Variants in MAGI1 observed in about 807,000 individuals in gnomAD.
MAGI1 encodes membrane-associated guanylate kinase, WW and PDZ domain-containing protein 1.
MAGI1 carries 58 observed loss-of-function variants against 139.9 expected under a neutral mutation model. The observed-to-expected ratio is 0.41, with a 90% CI of 0.34 to 0.52. The LOEUF (loss-of-function observed/expected upper bound fraction) is 0.52. MAGI1 is among the 20% of genes least tolerant of loss of function. The probability of loss-of-function intolerance (pLI) is 0.12; values close to 1 mark genes in which losing one functional copy is unlikely to be tolerated. For synonymous variants in MAGI1, 812 were observed against 737.9 expected (o/e 1.10, Z -1.63); for missense variants, 1,874 against 1,901.6 (o/e 0.99, Z 0.27).
chr3:65,570,079 T>C (rs778816854), intron 2 of MAGI1, among the ~76,000 whole-genome samples: 8 of 39,186 alleles, frequency 2.0e-4, no homozygotes, highest in Non-Finnish European at 2.5e-4. Context: ...TTATCATTAT[T>C]ATTATTATTA....
At chr3:65,566,324 A>G (rs1241052850) in intron 2 of MAGI1, among the ~76,000 whole-genome samples, 3 of 152,186 alleles carry the variant, frequency 2.0e-5, no homozygotes, top group Admixed American at 6.5e-5. Flanking sequence ...TCACTTATCT[A>G]CATATATTAT....
chr3:65,920,094 A>C (rs1409580199), intron 1 of MAGI1, among the ~76,000 whole-genome samples: 1 of 152,170 alleles, frequency 6.6e-6, no homozygotes, highest in Non-Finnish European at 1.5e-5. Context: ...TGGCAGCCAC[A>C]CTTATTTTAG....
intron 2 of MAGI1, among the ~76,000 whole-genome samples, chr3:65,521,272 C>A (rs184906840): frequency 2.7e-4 from 41 of 151,416 alleles, no homozygotes; most frequent in African/African-American, 9.9e-4. Flanking sequence ...CTTTCTATGG[C>A]CTTTAGCCAG....
intron 1 of MAGI1, among the ~76,000 whole-genome samples, chr3:65,830,528 A>C (rs17438517): frequency 2.0e-5 from 3 of 151,886 alleles, no homozygotes; most frequent in African/African-American, 4.8e-5. Context: ...CCACAACACA[A>C]CTTCTCTCAG....
At chr3:66,012,218 T>C (rs1427965819) in intron 1 of MAGI1, among the ~76,000 whole-genome samples, 4 of 152,172 alleles carry the variant, frequency 2.6e-5, no homozygotes. Context: ...GTCAAACTTT[T>C]AAGTAAACTT....
chr3:65,736,102 GA>G (rs2034702555), intron 1 of MAGI1, among the ~76,000 whole-genome samples: 1 of 152,178 alleles, frequency 6.6e-6, no homozygotes, highest in Non-Finnish European at 1.5e-5. Flanking sequence ...TGATATTTTT[GA>G]AAGTGAATTC....
intron 1 of MAGI1, among the ~76,000 whole-genome samples, chr3:65,693,902 G>T (rs1316142243): frequency 2.0e-5 from 3 of 151,826 alleles, no homozygotes; most frequent in African/African-American, 7.3e-5. Flanking sequence ...TTTGATTTTA[G>T]TAGAGAGGGG....
rs1262897298 is a variant in MAGI1, at chr3:65,858,982, A to C, written c.313+179014T>G. Among the ~76,000 whole-genome samples the C allele has an allele frequency of 3.3e-5, 5 of 152,216 alleles. No individual in the cohort carries two copies. In the East Asian group the frequency reaches 9.6e-4, roughly 29 times the overall value. On this transcript the variant is annotated intron_variant, in intron 1 of 22. Transcript: ENST00000402939. ...AGCAAGAAAGGGAGGGATGAGAAGA[A>C]GGAATCATGTACACGTTGGCCTGCT...
At chr3:65,610,425 A>T (rs1576470610) in intron 2 of MAGI1, among the ~76,000 whole-genome samples, 1 of 152,154 alleles carries the variant, frequency 6.6e-6, no homozygotes, top group Admixed American at 6.6e-5. Flanking sequence ...ATGATTTCAC[A>T]TGATGTCTTA....
intron 1 of MAGI1, among the ~76,000 whole-genome samples, chr3:65,988,982 C>T (rs1296235286): frequency 6.6e-6 from 1 of 152,198 alleles, no homozygotes; most frequent in Non-Finnish European, 1.5e-5. Context: ...CCCCATCTGA[C>T]AGCTGACTTA....
rs201936743 is a variant in MAGI1, at chr3:65,382,014, C to G, written c.2564G>C (p.Arg855Thr). ...CACACAGATTAATTCATCTCCAGAC[C>G]TCAGGCGGCCGTCAGTATCAGCAGC... ...LGAADTDGRL[R>T]SGDELICVDG... is the part of the protein sequence containing the mutation. Residue 855 changes from arginine (R) to threonine (T), a missense_variant, in exon 16 of 23, where the codon AGG becomes ACG. Arg to Thr is a moderately conservative substitution (Grantham distance 71). Around this residue, in one of 5 missense-constraint regions of MAGI1, gnomAD observed 482 missense variants for 509.6 expected, o/e 0.95. Transcript: ENST00000402939. 187 of 1,614,004 alleles carry G rather than the reference C, an allele frequency of 1.2e-4. No individual in the cohort carries two copies. The highest frequency in any genetic ancestry group is 1.5e-4 in the Non-Finnish European group (178 of 1,180,034).
At chr3:65,952,771 G>A (rs1179076172) in intron 1 of MAGI1, among the ~76,000 whole-genome samples, 1 of 152,190 alleles carries the variant, frequency 6.6e-6, no homozygotes, top group Non-Finnish European at 1.5e-5. Flanking sequence ...CCAAGATCAT[G>A]CCACTGCACT....
At chr3:65,426,926 T>C (rs1333067784) in intron 12 of MAGI1, among the ~76,000 whole-genome samples, 1 of 152,186 alleles carries the variant, frequency 6.6e-6, no homozygotes, top group Non-Finnish European at 1.5e-5. Context: ...TGGCAATATA[T>C]TCCGGATTTT....
At chr3:65,802,344 G>T (rs1575553999) in intron 1 of MAGI1, among the ~76,000 whole-genome samples, 2 of 152,138 alleles carry the variant, frequency 1.3e-5, no homozygotes, top group South Asian at 4.1e-4. Context: ...TTGATGGGAG[G>T]GATGGGGGAG....
chr3:65,425,309 G>A (rs999035600), intron 12 of MAGI1, among the ~76,000 whole-genome samples: 5 of 152,068 alleles, frequency 3.3e-5, no homozygotes, highest in African/African-American at 1.2e-4. Flanking sequence ...TGTACATCAT[G>A]CCCATTTTTT....
intron 1 of MAGI1, among the ~76,000 whole-genome samples, chr3:65,787,387 G>A (rs950939967): frequency 7.9e-5 from 12 of 151,592 alleles, no homozygotes; most frequent in African/African-American, 2.4e-4. Context: ...TTCCTCTGCC[G>A]TTTTTTTAGT....
rs75345799 is a variant in MAGI1, at chr3:65,652,676, G to A, written c.314-30588C>T. The stretch of plus-strand genomic sequence containing the variant: ...GATTTCGTGGTTTGCAAACCCAATA[G>A]AATGACTGTCACCATTTAGCTTCCT... On this transcript the variant is annotated intron_variant, in intron 1 of 22. Transcript: ENST00000402939. 8.1e-3 allele frequency among the ~76,000 whole-genome samples: 1,232 copies of A among 152,202 alleles called. 9 individuals carry two copies. The highest frequency in any genetic ancestry group is 0.027 in the African/African-American group (1,125 of 41,534).
chr3:65,387,082 A>G, intron 14 of MAGI1: 4 of 1,456,384 alleles, frequency 2.7e-6, no homozygotes, highest in Non-Finnish European at 3.9e-6. Context: ...CCCCAGACCA[A>G]TGAGAACATC....
chr3:65,395,429 G>A (rs1026359640), intron 13 of MAGI1, among the ~76,000 whole-genome samples: 4 of 151,236 alleles, frequency 2.6e-5, no homozygotes, highest in Admixed American at 1.3e-4. Flanking sequence ...ATCCCTTGAG[G>A]TCAGGAGTTC....
Sources: allele counts gnomAD v4.1 joint callset (sites outside exome capture counted in the v4.1 genomes callset), GRCh38; gene constraint gnomAD v4.1.1; regional missense constraint gnomAD v4.1.1; transcripts MANE v1.5; gene names NCBI Gene and HGNC (gene_info 2026-07-23, HGNC 2026-07-21).